VEPH1: variants seen among roughly 807,000 people sequenced by gnomAD.
VEPH1 encodes ventricular zone expressed PH domain containing 1.
In VEPH1, 80 loss-of-function variants were observed where a neutral mutation model predicts 85.2. The observed-to-expected ratio is 0.94, with a 90% CI of 0.78 to 1.13. The LOEUF is 1.13. VEPH1 is among the 50% of genes most tolerant of loss of function. The probability of loss-of-function intolerance (pLI) is 0.00; values close to 1 mark genes in which losing one functional copy is unlikely to be tolerated. For missense variants in VEPH1, 955 were observed against 980.5 expected, an observed-to-expected ratio of 0.97 and a Z score of 0.35; for synonymous variants, 297 against 348.0, an observed-to-expected ratio of 0.85 and a Z score of 1.63.
intron 9 of VEPH1, among the ~76,000 whole-genome samples, chr3:157,344,722 G>A (rs1435076743): frequency 2.0e-5 from 3 of 152,012 alleles, no homozygotes; most frequent in Non-Finnish European, 4.4e-5. Context: ...TGCCAAGACA[G>A]TCCTAAGCCA....
chr3:157,443,679 A>C (rs375379267), intron 4 of VEPH1: 1 of 152,252 alleles, frequency 6.6e-6, no homozygotes, highest in East Asian at 1.9e-4. Flanking sequence ...TAGTTTTCAG[A>C]TACTATTATG....
chr3:157,325,305 T>C (rs1400696974), intron 9 of VEPH1, among the ~76,000 whole-genome samples: 7 of 152,216 alleles, frequency 4.6e-5, no homozygotes, highest in African/African-American at 1.2e-4. Flanking sequence ...TTCACTGTGA[T>C]GATAGTTTCT....
In VEPH1 at chr3:157,305,983, TA is replaced by T. The variant is rs1308404078; in HGVS notation, c.2010+7637del. 8.5e-5 allele frequency among the ~76,000 whole-genome samples: 13 copies of T among 152,320 alleles called. No homozygotes were observed. The East Asian group carries it at 1.9e-3, about 23-fold the overall frequency. ...TATTTTCATTTAAAATTATTGTGCA[TA>T]AAAGGTTTTGCTCTTTACAGACTTT... On this transcript the variant is annotated intron_variant, in intron 11 of 13. Coordinates refer to ENST00000362010, the MANE Select transcript of VEPH1 (RefSeq NM_001167912.2).
At chr3:157,402,467 A>G (rs1192612658) in intron 6 of VEPH1, among the ~76,000 whole-genome samples, 1 of 152,184 alleles carries the variant, frequency 6.6e-6, no homozygotes, top group Non-Finnish European at 1.5e-5. Flanking sequence ...CAGAAGGAAG[A>G]GCTGGAGAGA....
chr3:157,289,667 C>CT (rs1007269822), intron 11 of VEPH1, among the ~76,000 whole-genome samples: 5 of 152,236 alleles, frequency 3.3e-5, no homozygotes, highest in Admixed American at 1.3e-4. Flanking sequence ...ACTCAACCTT[C>CT]TTTACCCTTC....
At chr3:157,304,329 T>C (rs1408131683) in intron 11 of VEPH1, among the ~76,000 whole-genome samples, 1 of 151,972 alleles carries the variant, frequency 6.6e-6, no homozygotes, top group Non-Finnish European at 1.5e-5. Context: ...CAGCAGAAAA[T>C]GTAGTTTATT....
chr3:157,391,480 G>A (rs974253245), intron 6 of VEPH1, among the ~76,000 whole-genome samples: 17 of 152,158 alleles, frequency 1.1e-4, no homozygotes, highest in Admixed American at 7.9e-4. Flanking sequence ...GACTGATGGC[G>A]GGATGCCATT....
At chr3:157,261,408 T>A (rs369400510) in intron 13 of VEPH1, 38 bp from the exon 14 acceptor site, 1 of 1,605,542 alleles carries the variant, frequency 6.2e-7, no homozygotes, top group African/African-American at 1.3e-5. Context: ...GGGCTGGCTG[T>A]TACTGTAGGC....
In VEPH1 at chr3:157,495,338, C is replaced by G. The variant is rs138062315; in HGVS notation, c.12G>C (p.Leu4=). Residue 4 remains leucine (L), a synonymous_variant, in exon 2 of 14, where the codon CTG becomes CTC. Transcript: ENST00000362010. The part of the protein sequence containing the change: MHQ[L]FRLVLGQKDL... The stretch of plus-strand genomic sequence containing the variant: ...CTTTTTGTCCCAAAACCAGTCTGAA[C>G]AGTTGATGCATGGTGAGGATGAGTT... 6.2e-7 allele frequency: 1 copy of G among 1,613,804 alleles called. No individual in the cohort carries two copies. The highest frequency in any genetic ancestry group is 1.3e-5 in the African/African-American group (1 of 74,922).
At chr3:157,500,552 T>C (rs1740021327) in intron 1 of VEPH1, among the ~76,000 whole-genome samples, 1 of 152,220 alleles carries the variant, frequency 6.6e-6, no homozygotes, top group Non-Finnish European at 1.5e-5. Flanking sequence ...AAGAATTCCT[T>C]TATAAAAATC....
At chr3:157,429,950 A>AT (rs956172762) in intron 4 of VEPH1, among the ~76,000 whole-genome samples, 18 of 152,316 alleles carry the variant, frequency 1.2e-4, no homozygotes, top group South Asian at 2.1e-4. Context: ...CAGATTAGTC[A>AT]TTTTTCAGCT....
chr3:157,295,019 GA>G (rs1192847058), intron 11 of VEPH1, among the ~76,000 whole-genome samples: 1 of 152,068 alleles, frequency 6.6e-6, no homozygotes. Context: ...AATGAGCAAA[GA>G]TTTTTGTTCT....
chr3:157,272,055 T>G (rs1714628833), intron 12 of VEPH1, among the ~76,000 whole-genome samples: 1 of 151,822 alleles, frequency 6.6e-6, no homozygotes, highest in South Asian at 2.1e-4. Flanking sequence ...CCTTTGCAGA[T>G]TTTTTAAGAT....
chr3:157,268,920 T>A (rs1035718890), intron 12 of VEPH1, among the ~76,000 whole-genome samples: 7 of 150,014 alleles, frequency 4.7e-5, no homozygotes, highest in Admixed American at 6.7e-5. Context: ...GCTAATTTTT[T>A]AATATTTTTT....
intron 11 of VEPH1, among the ~76,000 whole-genome samples, chr3:157,290,075 CACACA>C (rs1189198607): frequency 1.4e-5 from 2 of 138,370 alleles, no homozygotes; most frequent in South Asian, 2.3e-4. Context: ...CACACACACA[CACACA>C]ACCTGTCTTG....
chr3:157,445,247 GA>G (rs1265525097), intron 4 of VEPH1, among the ~76,000 whole-genome samples: 1 of 152,148 alleles, frequency 6.6e-6, no homozygotes, highest in Non-Finnish European at 1.5e-5. Context: ...TTACGTGAGA[GA>G]AAAATATACT....
At chr3:157,340,093 G>A (rs1577378762) in intron 9 of VEPH1, among the ~76,000 whole-genome samples, 1 of 152,236 alleles carries the variant, frequency 6.6e-6, no homozygotes, top group African/African-American at 2.4e-5. Flanking sequence ...CTCCCAGCGT[G>A]AGCGACGCAG....
At chr3:157,329,210 G>A (rs12491934) in intron 9 of VEPH1, among the ~76,000 whole-genome samples, 36,398 of 151,902 alleles carry the variant, frequency 0.24, 4,894 homozygotes, top group South Asian at 0.34. Flanking sequence ...TATCTTTATC[G>A]TATAACTGAA....
chr3:157,291,247 A>G (rs1019811868), intron 11 of VEPH1, among the ~76,000 whole-genome samples: 1 of 152,208 alleles, frequency 6.6e-6, no homozygotes, highest in African/African-American at 2.4e-5. Context: ...TAATAAGTTT[A>G]TGTTTGTATA....
Sources: allele counts gnomAD v4.1 joint callset (sites outside exome capture counted in the v4.1 genomes callset), GRCh38; gene constraint gnomAD v4.1.1; transcripts MANE v1.5; gene names NCBI Gene and HGNC (gene_info 2026-07-23, HGNC 2026-07-21).